TTN: variants seen among roughly 807,000 people sequenced by gnomAD.
TTN encodes titin, also known as connectin.
In TTN, 1,525 loss-of-function variants were observed where a neutral mutation model predicts 3,223.0. That is an observed-to-expected ratio of 0.47 (90% CI 0.45 to 0.49). TTN has a LOEUF of 0.49. Ranked by LOEUF, TTN falls within the 20% of genes least tolerant of loss-of-function variation. The pLI is 0.00. For synonymous variants in TTN, 14,094 were observed against 15,161.0 expected (o/e 0.93, Z 5.17); for missense variants, 40,786 against 43,424.0 (o/e 0.94, Z 5.40).
Position 178,591,242 on chromosome 2 carries a change from T to C in TTN, c.60483A>G (p.Thr20161=). Reference sequence around the variant, plus strand: ...CAAGAACAGTAAGATGTACGGCTACTGTTTTGCTACCGGCTGCATTGGAAA... The same window carrying C: ...CAAGAACAGTAAGATGTACGGCTACCGTTTTGCTACCGGCTGCATTGGAAA... The part of the protein sequence containing the change: ...ITVSNAAGSK[T]VAVHLTVLDV... The change falls in exon 304 of 363, where the codon ACA becomes ACG. Residue 20161 remains threonine (T), a synonymous_variant. Transcript: ENST00000589042. 6.2e-7 allele frequency: 1 copy of C among 1,613,414 alleles called. No homozygotes were observed. Among genetic ancestry groups the C allele is most frequent in the Non-Finnish European group, 8.5e-7 (1 of 1,179,562 alleles).
intron 47 of TTN, chr2:178,742,853 CT>C (rs1194292290): frequency 6.6e-6 from 1 of 152,014 alleles, no homozygotes; most frequent in South Asian, 2.1e-4. Context: ...ATGAAATAGA[CT>C]TACACCTTAA....
chr2:178,578,806 C>T lies in TTN; in HGVS notation c.68224G>A (p.Asp22742Asn). ...SEPIVARHPFDVPDAPPPPNI... is the reference protein window; with the variant it reads ...SEPIVARHPFNVPDAPPPPNI... ...CGTCTTCTGAATTTAAGACACTTAC[C>T]AAATGGATGTCTCGCAACAATTGGC... is the stretch of plus-strand genomic sequence containing the variant. The change falls in exon 320 of 363, where the codon GAT (aspartate) becomes AAT (asparagine). Residue 22742 changes from aspartate to asparagine, a missense_variant and splice_region_variant. Coordinates refer to ENST00000589042, the MANE Select transcript of TTN (RefSeq NM_001267550.2). 2 of 1,609,760 alleles carry T rather than the reference C, an allele frequency of 1.2e-6. No homozygotes were observed. Among genetic ancestry groups the T allele is most frequent in the South Asian group, 2.2e-5 (2 of 90,286 alleles).
At chr2:178,783,191 TC>T in intron 17 of TTN, 127 bp from the exon 18 acceptor site, 1 of 945,186 alleles carries the variant, frequency 1.1e-6, no homozygotes, top group Non-Finnish European at 1.6e-6. Flanking sequence ...TAATCAGGAC[TC>T]CAGAAATAGT....
In TTN at chr2:178,593,272, C is replaced by G; in HGVS notation, c.58936G>C (p.Glu19646Gln). Reference protein sequence around the residue: ...YTKFRVPDLLEGCQYEFRVSA... With the variant: ...YTKFRVPDLLQGCQYEFRVSA... ...ACCCGGAATTCATACTGACATCCTT[C>G]TAGAAGATCAGGAACCCTAAATTTA... Residue 19646 changes from glutamate to glutamine, a missense_variant, in exon 299 of 363, where the codon GAA (glutamate) becomes CAA (glutamine). Transcript: ENST00000589042. The G allele has an allele frequency of 6.2e-7, 1 of 1,613,412 alleles. No individual in the cohort carries two copies. Among genetic ancestry groups the G allele is most frequent in the Non-Finnish European group, 8.5e-7 (1 of 1,179,582 alleles).
intron 47 of TTN, chr2:178,751,471 G>T: frequency 6.2e-7 from 1 of 1,612,878 alleles, no homozygotes; most frequent in Non-Finnish European, 8.5e-7. Context: ...CTTGTTTTTT[G>T]TTAAAGGGAG....
chr2:178,561,070 A>T lies in TTN; in HGVS notation c.85062T>A (p.Pro28354=). 1 of 1,613,868 alleles carries T rather than the reference A, an allele frequency of 6.2e-7. No individual in the cohort carries two copies. Among genetic ancestry groups the T allele is most frequent in the Non-Finnish European group, 8.5e-7 (1 of 1,179,810 alleles). The change falls in exon 326 of 363, where the codon CCT becomes CCA. Residue 28354 remains proline (P), a synonymous_variant. Transcript: ENST00000589042. ...GPIIVKDDVE[P]PRVMMDVKFR... ...ACTTGACATCCATCATAACTCTTGG[A>T]GGCTCAACATCATCTTTAACTATAA...
rs1706545322 is a variant in TTN at position 178,567,921 on chromosome 2, C to T, written c.78211G>A (p.Val26071Ile). ...YEFRVYAENI[V>I]GVGKASKNSE... Reference sequence around the variant, plus strand: ...TTCTTGCTTGCTTTGCCTACACCAACAATATTTTCAGCATACACTCTGAAT... The same window carrying T: ...TTCTTGCTTGCTTTGCCTACACCAATAATATTTTCAGCATACACTCTGAAT... Residue 26071 changes from valine (V) to isoleucine (I), a missense_variant, in exon 326 of 363, where the codon GTT becomes ATT. Physicochemically the swap from Val to Ile is conservative, Grantham distance 29 (BLOSUM62 3). Transcript: ENST00000589042. 2.5e-6 allele frequency: 4 copies of T among 1,613,434 alleles called. No individual in the cohort carries two copies. The South Asian group carries it at 4.4e-5, about 18-fold the overall frequency.
In TTN at chr2:178,653,105, T is replaced by A; in HGVS notation, c.38811A>T (p.Glu12937Asp). ...PPVKVPEAPKEVVPEKKVPVT... is the reference protein window; with the variant it reads ...PPVKVPEAPKDVVPEKKVPVT... ...CTGGCACTTTCTTTTCAGGAACAAC[T>A]TCTTTGGGAGCCTCTGGCACTTAAA... Residue 12937 changes from glutamate to aspartate, a missense_variant, in exon 199 of 363, where the codon GAA (glutamate) becomes GAT (aspartate). Glu to Asp is a conservative substitution (Grantham distance 45, BLOSUM62 2). Coordinates refer to ENST00000589042, the MANE Select transcript of TTN (RefSeq NM_001267550.2). The A allele has an allele frequency of 6.2e-7, 1 of 1,611,588 alleles. No homozygotes were observed. The highest frequency in any genetic ancestry group is 8.5e-7 in the Non-Finnish European group (1 of 1,179,010).
intron 213 of TTN, 77 bp downstream of exon 213, chr2:178,649,171 A>G: frequency 9.3e-7 from 1 of 1,077,958 alleles, no homozygotes; most frequent in Non-Finnish European, 1.3e-6. Context: ...CACATTCAGT[A>G]TGTTTTTCTC....
At chr2:178,707,869 C>G in intron 99 of TTN, 56 bp from the exon 100 acceptor site, 1 of 1,512,562 alleles carries the variant, frequency 6.6e-7, no homozygotes, top group Non-Finnish European at 8.8e-7. Flanking sequence ...GTATTAAATT[C>G]CACAAGAGAA....
intron 24 of TTN, chr2:178,778,566 A>G: frequency 2.5e-6 from 1 of 392,396 alleles, no homozygotes; most frequent in South Asian, 2.3e-5. Context: ...AACCAATAAT[A>G]GTCATCTTTT....
chr2:178,589,362 C>T lies in TTN; in HGVS notation c.62363G>A (p.Arg20788Lys). ...VLTVKAGDTI[R>K]LEAGVRGKPF... ...TTTGCCTCTAACCCCTGCCTCAAGC[C>T]TAATGGTGTCCCCTGCTTTGACAGT... Residue 20788 changes from arginine to lysine, a missense_variant, in exon 304 of 363, where the codon AGG (arginine) becomes AAG (lysine). Arg to Lys is a conservative substitution (Grantham distance 26, BLOSUM62 2). Coordinates refer to ENST00000589042, the MANE Select transcript of TTN (RefSeq NM_001267550.2). 6.2e-7 allele frequency: 1 copy of T among 1,613,416 alleles called. No homozygotes were observed. The highest frequency in any genetic ancestry group is 2.2e-5 in the East Asian group (1 of 44,742).
In TTN at chr2:178,577,143, G is replaced by A. The variant is rs1315369963; in HGVS notation, c.69192C>T (p.Pro23064=). 1 of 1,613,086 alleles carries A rather than the reference G, an allele frequency of 6.2e-7. No homozygotes were observed. The highest frequency in any genetic ancestry group is 8.5e-7 in the Non-Finnish European group (1 of 1,179,492). Residue 23064 remains proline (P), a synonymous_variant, in exon 324 of 363, where the codon CCC becomes CCT. Coordinates refer to ENST00000589042, the MANE Select transcript of TTN (RefSeq NM_001267550.2). ...AEKATLTWTP[P]LEDGGSPIKS... is the part of the protein sequence containing the mutation. ...TAATTGGTGAGCCGCCATCTTCCAA[G>A]GGAGGTGTCCATGTAAGTGTTGCTT... is the stretch of plus-strand genomic sequence containing the variant.
rs746381246 is a variant in TTN at position 178,748,653 on chromosome 2, T to C, written c.11311+4471A>G. On this transcript the variant is annotated intron_variant, in intron 47 of 362. Coordinates refer to ENST00000589042, the MANE Select transcript of TTN (RefSeq NM_001267550.2). ...TGGAATTTCACATCTGTGTGTTTTA[T>C]TTGAGTGTGAAACTGCTTTAAGTCA... 4.3e-6 allele frequency: 7 copies of C among 1,612,996 alleles called. No individual in the cohort carries two copies. The Admixed American group carries it at 1.2e-4, about 27-fold the overall frequency.
intron 71 of TTN, 76 bp downstream of exon 71, chr2:178,725,292 A>T: frequency 7.2e-7 from 1 of 1,380,714 alleles, no homozygotes; most frequent in Non-Finnish European, 9.4e-7. Context: ...AAACTCAGAA[A>T]AAGAATCTGC....
Position 178,782,420 on chromosome 2 carries a change from C to T in TTN, c.3172G>A (p.Glu1058Lys). 6.2e-7 allele frequency: 1 copy of T among 1,614,036 alleles called. No homozygotes were observed. Among genetic ancestry groups the T allele is most frequent in the Non-Finnish European group, 8.5e-7 (1 of 1,179,984 alleles). The stretch of plus-strand genomic sequence containing the variant: ...TCAGTCATAACCACATCTCTTGACT[C>T]AACAAAGCTGGAAAGAGAATTCCCC... Reference protein sequence around the residue: ...KFTTEEKRFVESRDVVMTDTS... With the variant: ...KFTTEEKRFVKSRDVVMTDTS... The change falls in exon 20 of 363, where the codon GAG becomes AAG. Residue 1058 changes from glutamate to lysine, a missense_variant. Glu to Lys is a moderately conservative substitution (Grantham distance 56). Coordinates refer to ENST00000589042, the MANE Select transcript of TTN (RefSeq NM_001267550.2).
Position 178,757,825 on chromosome 2 carries a change from G to C in TTN, c.10395C>G (p.Pro3465=). Residue 3465 remains proline, a synonymous_variant, in exon 45 of 363, where the codon CCC becomes CCG. Coordinates refer to ENST00000589042, the MANE Select transcript of TTN (RefSeq NM_001267550.2). ...SFKKEPLGQK[P]SFIQPLSSLR... is the part of the protein sequence containing the mutation. The stretch of plus-strand genomic sequence containing the variant: ...GGCTTGACAGAGGCTGGATGAAGCT[G>C]GGCTTTTGGCCAAGGGGCTCCTTCT... 1 of 1,605,716 alleles carries C rather than the reference G, an allele frequency of 6.2e-7. No individual in the cohort carries two copies. Among genetic ancestry groups the C allele is most frequent in the Admixed American group, 1.7e-5 (1 of 59,262 alleles).
At chr2:178,726,331 C>T (rs965289791) in intron 69 of TTN, 3 of 260,256 alleles carry the variant, frequency 1.2e-5, no homozygotes, top group Admixed American at 5.3e-5. Context: ...AAGATTGATA[C>T]AAAAATTGCA....
intron 321 of TTN, 141 bp downstream of exon 321, chr2:178,578,469 CA>C: frequency 1.6e-6 from 1 of 629,360 alleles, no homozygotes; most frequent in Non-Finnish European, 2.7e-6. Flanking sequence ...TAAAATTAAA[CA>C]TTAACCATAT....
Sources: allele counts gnomAD v4.1 joint callset, GRCh38; gene constraint gnomAD v4.1.1; transcripts MANE v1.5; gene names NCBI Gene and HGNC (gene_info 2026-07-23, HGNC 2026-07-21).